The following ZNF800 variants were observed in gnomAD, a reference collection of about 807,000 sequenced individuals.
ZNF800 encodes zinc finger protein 800.
In ZNF800, 13 loss-of-function variants were observed where a neutral mutation model predicts 59.5. The observed-to-expected ratio is 0.22, with a 90% CI of 0.14 to 0.35. The LOEUF (loss-of-function observed/expected upper bound fraction) is 0.35, where lower values mean the gene tolerates loss of function less well. Ranked by LOEUF, ZNF800 falls within the 10% of genes least tolerant of loss-of-function variation. ZNF800 has a pLI of 1.00. For missense variants in ZNF800, 621 were observed against 783.7 expected (o/e 0.79, Z 2.48); for synonymous variants, 266 against 265.7 (o/e 1.00, Z -0.01).
downstream of ZNF800, among the ~76,000 whole-genome samples, chr7:127,344,598 T>G (rs1029673585): frequency 6.6e-6 from 1 of 152,006 alleles, no homozygotes; most frequent in African/African-American, 2.4e-5. Flanking sequence ...TTTACCCCCA[T>G]TGAAACTTAA....
At chr7:127,365,129 AC>A (rs1800478915), downstream of ZNF800, among the ~76,000 whole-genome samples, 1 of 152,066 alleles carries the variant, frequency 6.6e-6, no homozygotes, top group Non-Finnish European at 1.5e-5. Flanking sequence ...CTAAATGCAC[AC>A]CCATATAGCA....
intron 1 of ZNF800, among the ~76,000 whole-genome samples, chr7:127,349,514 G>A (rs1800132955): frequency 6.6e-6 from 1 of 152,106 alleles, no homozygotes; most frequent in African/African-American, 2.4e-5. Context: ...ATCTAATGAT[G>A]AGCAAATCCA....
chr7:127,343,466 A>AT (rs1284028150), downstream of ZNF800, among the ~76,000 whole-genome samples: 1 of 151,848 alleles, frequency 6.6e-6, no homozygotes, highest in Non-Finnish European at 1.5e-5. Flanking sequence ...TAAAAATATG[A>AT]TTTTTTAAAT....
downstream of ZNF800, among the ~76,000 whole-genome samples, chr7:127,345,648 GGAAGGA>G (rs1237410686): frequency 6.6e-6 from 1 of 152,126 alleles, no homozygotes; most frequent in African/African-American, 2.4e-5. Context: ...AGACGGGGGT[GGAAGGA>G]TAAGTAAGGG....
intron 1 of ZNF800, chr7:127,350,491 A>C (rs1240102475): frequency 6.6e-6 from 1 of 152,220 alleles, no homozygotes; most frequent in African/African-American, 2.4e-5. Flanking sequence ...CTATGGCAAC[A>C]AGTGCTGAAA....
chr7:127,370,032 T>C (rs1200109928), downstream of ZNF800: 1 of 152,114 alleles, frequency 6.6e-6, no homozygotes, highest in Non-Finnish European at 1.5e-5. Context: ...GCATAAAAGA[T>C]AACACCTTGC....
Position 127,377,272 on chromosome 7 carries a change from T to C in ZNF800, c.215A>G (p.Lys72Arg). 6.2e-7 allele frequency: 1 copy of C among 1,611,738 alleles called. No individual in the cohort carries two copies. The highest frequency in any genetic ancestry group is 8.5e-7 in the Non-Finnish European group (1 of 1,178,322). The stretch of plus-strand genomic sequence containing the variant: ...TCCTCTGAAGAGACTGCGGCATAAC[T>C]TACATTCAAAAATAGTGTCCACATC... ...LKDVDTIFEC[K>R]LCRSLFRGLP... Residue 72 changes from lysine to arginine, a missense_variant, in exon 4 of 6, where the codon AAG (lysine) becomes AGG (arginine). Coordinates refer to ENST00000265827, the MANE Select transcript of ZNF800 (RefSeq NM_176814.5). The surrounding 1 kb of genome is among the most constrained non-coding windows in gnomAD (Gnocchi z 4.7).
exon 2 of ZNF800, chr7:127,347,418 G>A (rs1305066574): frequency 6.6e-6 from 1 of 152,034 alleles, no homozygotes; most frequent in Non-Finnish European, 1.5e-5. Flanking sequence ...AAACTAGTTT[G>A]TCGATGCCAG....
intron 4 of ZNF800, among the ~76,000 whole-genome samples, chr7:127,376,731 C>T (rs953742918): frequency 6.6e-6 from 1 of 151,874 alleles, no homozygotes; most frequent in Non-Finnish European, 1.5e-5. Context: ...AAGAAATGAA[C>T]AAATTTACCT....
At chr7:127,349,385 A>G (rs750206146) in intron 1 of ZNF800, among the ~76,000 whole-genome samples, 4 of 152,212 alleles carry the variant, frequency 2.6e-5, no homozygotes, top group Non-Finnish European at 4.4e-5. Context: ...TAATAAAATT[A>G]TAATAATATA....
chr7:127,357,829 T>C (rs914806480), intron 1 of ZNF800, among the ~76,000 whole-genome samples: 4 of 151,774 alleles, frequency 2.6e-5, no homozygotes, highest in African/African-American at 9.7e-5. Flanking sequence ...ACATATTTTA[T>C]ATGGGGGTGG....
chr7:127,347,885 C>G (rs925372326), exon 2 of ZNF800: 1 of 150,340 alleles, frequency 6.7e-6, no homozygotes, highest in African/African-American at 2.4e-5. Flanking sequence ...CCCCAGGCCC[C>G]GGGCAGCGTG....
chr7:127,365,669 A>G (rs746397802), downstream of ZNF800, among the ~76,000 whole-genome samples: 1 of 152,170 alleles, frequency 6.6e-6, no homozygotes, highest in Non-Finnish European at 1.5e-5. Flanking sequence ...TTCGTGAACA[A>G]TTAGCAAAAG....
At chr7:127,345,134 A>G (rs1800034211), downstream of ZNF800, among the ~76,000 whole-genome samples, 1 of 152,212 alleles carries the variant, frequency 6.6e-6, no homozygotes, top group African/African-American at 2.4e-5. Flanking sequence ...GTGAACCCTC[A>G]ACAGAAAAAA....
Position 127,374,465 on chromosome 7 carries a change from C to G in ZNF800, c.871G>C (p.Val291Leu), listed in dbSNP as rs1473034900. 6.2e-7 allele frequency: 1 copy of G among 1,613,982 alleles called. No homozygotes were observed. Among genetic ancestry groups the G allele is most frequent in the South Asian group, 1.1e-5 (1 of 91,084 alleles). ...TTTGTAGCAAATGATTTACAACATA[C>G]TGGACAACTCCTACTTAATGGAACT... ...VLVPLSRSCPVCCKSFATKAN... is the reference protein window; with the variant it reads ...VLVPLSRSCPLCCKSFATKAN... Residue 291 changes from valine to leucine, a missense_variant, in exon 5 of 6, where the codon GTA (valine) becomes CTA (leucine). Physicochemically the swap from Val to Leu is conservative, Grantham distance 32. Transcript: ENST00000265827.
rs771369916 is a variant in ZNF800, at chr7:127,373,405, G to A, written c.1931C>T (p.Ala644Val). 5.0e-6 allele frequency: 8 copies of A among 1,613,494 alleles called. No individual in the cohort carries two copies. The South Asian group carries it at 8.8e-5, about 18-fold the overall frequency. ...EHHKKTHKAN[A>V]SNSPEGNKTK... Reference sequence around the variant, plus strand: ...TTTGTTTCCTTCAGGTGAATTGGAAGCATTTGCCTTATGAGTTTTCTTATG... The same window carrying A: ...TTTGTTTCCTTCAGGTGAATTGGAAACATTTGCCTTATGAGTTTTCTTATG... Residue 644 changes from alanine (A) to valine (V), a missense_variant, in exon 5 of 6, where the codon GCT becomes GTT. By Grantham distance (64) the Ala-to-Val change is moderately conservative (BLOSUM62 0). This residue lies in a region of ZNF800 where 94 missense variants were observed against 108.5 expected (regional missense o/e 0.87). Transcript: ENST00000265827.
At chr7:127,378,732 G>C (rs62468917) in intron 3 of ZNF800, among the ~76,000 whole-genome samples, 161 of 41,860 alleles carry the variant, frequency 3.8e-3, no homozygotes, top group East Asian at 0.012. Context: ...CACACACACA[G>C]AGAGAGAGAG....
At chr7:127,356,767 ATGTG>A (rs200230284) in intron 1 of ZNF800, among the ~76,000 whole-genome samples, 34 of 146,986 alleles carry the variant, frequency 2.3e-4, no homozygotes, top group East Asian at 7.9e-4. Context: ...AAACTTAAAA[ATGTG>A]TGTGTGTGTG....
chr7:127,388,736 C>A (rs1469584923), intron 2 of ZNF800, among the ~76,000 whole-genome samples: 2 of 152,216 alleles, frequency 1.3e-5, no homozygotes, highest in African/African-American at 4.8e-5. Context: ...AGAACACATA[C>A]ACATCCTGAG....
Sources: allele counts gnomAD v4.1 joint callset (sites outside exome capture counted in the v4.1 genomes callset), GRCh38; gene constraint gnomAD v4.1.1; regional missense constraint gnomAD v4.1.1; non-coding constraint Gnocchi (gnomAD v3.1); transcripts MANE v1.5; gene names NCBI Gene and HGNC (gene_info 2026-07-23, HGNC 2026-07-21).